CADPS2: variants seen among roughly 807,000 people sequenced by gnomAD.
CADPS2 encodes calcium dependent secretion activator 2.
A neutral mutation model predicts 172.5 loss-of-function variants in CADPS2; 93 were observed. That is an observed-to-expected ratio of 0.54 (90% CI 0.46 to 0.64). The LOEUF (loss-of-function observed/expected upper bound fraction) is 0.64. Ranked by LOEUF, CADPS2 falls within the 30% of genes least tolerant of loss-of-function variation. The pLI is 0.00. For synonymous variants in CADPS2, 546 were observed against 555.2 expected (o/e 0.98, Z 0.23); for missense variants, 1,420 against 1,565.9 (o/e 0.91, Z 1.57).
At chr7:122,653,022 C>T (rs1563970248) in intron 3 of CADPS2, among the ~76,000 whole-genome samples, 1 of 152,122 alleles carries the variant, frequency 6.6e-6, no homozygotes, top group African/African-American at 2.4e-5. Flanking sequence ...ACTCCTGATG[C>T]TAATCCTGAA....
intron 3 of CADPS2, among the ~76,000 whole-genome samples, chr7:122,657,455 C>G (rs1454305516): frequency 1.3e-5 from 2 of 152,136 alleles, no homozygotes; most frequent in Non-Finnish European, 2.9e-5. Context: ...GAATGTTCTT[C>G]CATTTGTTTG....
At chr7:122,707,281 C>T (rs2087726263) in intron 2 of CADPS2, among the ~76,000 whole-genome samples, 1 of 151,966 alleles carries the variant, frequency 6.6e-6, no homozygotes, top group Non-Finnish European at 1.5e-5. Flanking sequence ...AAAAGAGTTA[C>T]ATGCAAGTTG....
At chr7:122,819,897 A>C (rs768978621) in intron 1 of CADPS2, among the ~76,000 whole-genome samples, 2 of 151,694 alleles carry the variant, frequency 1.3e-5, no homozygotes, top group Non-Finnish European at 2.9e-5. Flanking sequence ...CCCTTACCCC[A>C]CTCAACGCCA....
chr7:122,855,520 C>G (rs1320642593), intron 1 of CADPS2, among the ~76,000 whole-genome samples: 1 of 151,988 alleles, frequency 6.6e-6, no homozygotes, highest in African/African-American at 2.4e-5. Flanking sequence ...CAAATTTGCC[C>G]AGGATGGTAG....
Position 122,344,131 on chromosome 7 carries a change from G to A in CADPS2, c.3612+1443C>T, listed in dbSNP as rs1242996757. 3.9e-5 allele frequency among the ~76,000 whole-genome samples: 6 copies of A among 152,302 alleles called. No individual in the cohort carries two copies. In the East Asian group the frequency reaches 7.7e-4, roughly 20 times the overall value. ...GAGAGACCACGGCAGAGAGGATGACGTAGCAGGACCTTCTGCAACTGCCAC... is the reference window on the plus strand; with the variant it reads ...GAGAGACCACGGCAGAGAGGATGACATAGCAGGACCTTCTGCAACTGCCAC... On this transcript the variant is annotated intron_variant, in intron 28 of 29. Transcript: ENST00000449022.
At chr7:122,566,974 A>G (rs1407466779) in intron 7 of CADPS2, among the ~76,000 whole-genome samples, 2 of 152,164 alleles carry the variant, frequency 1.3e-5, no homozygotes, top group Non-Finnish European at 2.9e-5. Context: ...AAGGATAACA[A>G]TACAGTAGAT....
In CADPS2 at chr7:122,477,676, T is replaced by C. The variant is rs558571325; in HGVS notation, c.1862-3159A>G. Among the ~76,000 whole-genome samples the C allele has an allele frequency of 1.2e-3, 179 of 152,196 alleles. 1 individual carries two copies. The highest frequency in any genetic ancestry group is 3.2e-3 in the Middle Eastern group (1 of 314). ...GCTTTTTTAGTAATAAAATTGTGTG[T>C]ATGTATATTTAAGCTTTACAACATG... On this transcript the variant is annotated intron_variant, in intron 12 of 29. Coordinates refer to ENST00000449022, the MANE Select transcript of CADPS2 (RefSeq NM_017954.11).
At chr7:122,608,964 G>C (rs1041652570) in intron 6 of CADPS2, among the ~76,000 whole-genome samples, 1 of 152,036 alleles carries the variant, frequency 6.6e-6, no homozygotes, top group Non-Finnish European at 1.5e-5. Context: ...GAGGTGGGAG[G>C]ATTGCTTGAG....
At chr7:122,487,443 A>G (rs752261343) in intron 11 of CADPS2, among the ~76,000 whole-genome samples, 4 of 152,172 alleles carry the variant, frequency 2.6e-5, no homozygotes, top group Non-Finnish European at 4.4e-5. Context: ...AGACCTCTCA[A>G]AACCCAATAA....
At chr7:122,495,380 C>T (rs545038676) in intron 9 of CADPS2, among the ~76,000 whole-genome samples, 2 of 152,064 alleles carry the variant, frequency 1.3e-5, no homozygotes, top group East Asian at 1.9e-4. Context: ...GAAATGTGTA[C>T]CACATACAAG....
intron 1 of CADPS2, among the ~76,000 whole-genome samples, chr7:122,807,892 C>T (rs1415482340): frequency 6.6e-6 from 1 of 152,142 alleles, no homozygotes; most frequent in African/African-American, 2.4e-5. Context: ...TCTGTAAAGA[C>T]CTTATCTCCA....
At chr7:122,626,500 G>T (rs1358905017) in intron 4 of CADPS2, among the ~76,000 whole-genome samples, 1 of 152,152 alleles carries the variant, frequency 6.6e-6, no homozygotes, top group Non-Finnish European at 1.5e-5. Context: ...GAACTGGCCT[G>T]CCCTGACCAC....
intron 2 of CADPS2, among the ~76,000 whole-genome samples, chr7:122,734,386 A>AAAAAAAAAAAAAAAAAAAAAAAAC (rs2091971464): frequency 1.2e-5 from 1 of 86,772 alleles, no homozygotes; most frequent in Non-Finnish European, 2.6e-5. Context: ...AAAAAAAAAA[A>AAAAAAAAAAAAAAAAAAAAAAAAC]GAAAAAAAAA....
At chr7:122,719,242 AAAGT>A (rs1412890555) in intron 2 of CADPS2, among the ~76,000 whole-genome samples, 1 of 151,942 alleles carries the variant, frequency 6.6e-6, no homozygotes, top group Non-Finnish European at 1.5e-5. Flanking sequence ...GGAAAGGAAG[AAAGT>A]GAGGGGAAGA....
intron 2 of CADPS2, chr7:122,702,729 G>T: frequency 6.2e-7 from 1 of 1,606,420 alleles, no homozygotes; most frequent in Non-Finnish European, 8.5e-7. Flanking sequence ...TGCGTCGAAG[G>T]GGTAATTCTA....
chr7:122,870,651 A>G (rs987509281), intron 1 of CADPS2, among the ~76,000 whole-genome samples: 2 of 152,078 alleles, frequency 1.3e-5, no homozygotes, highest in African/African-American at 2.4e-5. Context: ...CAAAAAGAAG[A>G]TAAGTTGGTG....
At chr7:122,533,542 C>T (rs78228826) in intron 8 of CADPS2, among the ~76,000 whole-genome samples, 5,015 of 152,218 alleles carry the variant, frequency 0.033, 259 homozygotes, top group African/African-American at 0.12. Context: ...CTTTTGGTGG[C>T]ACCAATATAA....
At chr7:122,777,756 C>T (rs993354551) in intron 1 of CADPS2, among the ~76,000 whole-genome samples, 9 of 152,026 alleles carry the variant, frequency 5.9e-5, no homozygotes, top group African/African-American at 1.7e-4. Context: ...GTTCCCCTTC[C>T]GCCCTGCTTG....
At chr7:122,516,076 G>C (rs1202806201) in intron 8 of CADPS2, among the ~76,000 whole-genome samples, 4 of 152,124 alleles carry the variant, frequency 2.6e-5, no homozygotes, top group Admixed American at 2.0e-4. Context: ...TGTTGTATTA[G>C]GGGTTAGTAG....
Sources: gnomAD v4.1 joint callset for allele counts (sites outside exome capture counted in the v4.1 genomes callset) on GRCh38, gnomAD v4.1.1 for gene constraint, MANE v1.5 for transcripts, NCBI Gene and HGNC (gene_info 2026-07-23, HGNC 2026-07-21) for gene names.